PRH1: variants seen among roughly 807,000 people sequenced by gnomAD.
The protein encoded by PRH1 is salivary acidic proline-rich phosphoprotein 1/2.
In PRH1, 7 loss-of-function variants were observed where a neutral mutation model predicts 7.9. The ratio of observed to expected loss-of-function variants is 0.89; its 90% CI spans 0.50 to 1.67. PRH1 has a LOEUF of 1.67. PRH1 is among the 40% of genes most tolerant of loss of function. The pLI, the probability that PRH1 is intolerant of heterozygous loss-of-function variation, is 0.00. For missense variants in PRH1, 109 were observed against 223.6 expected (o/e 0.49, Z 3.27); for synonymous variants, 45 against 80.8 (o/e 0.56, Z 2.38).
chr12:11,133,203 G>GTT (rs1565687802), intron 1 of PRH1: 33 of 1,412,950 alleles, frequency 2.3e-5, no homozygotes, highest in Middle Eastern at 2.1e-4. Context: ...AGGTATACAT[G>GTT]TGGAAATTAT....
At chr12:11,004,654 C>T (rs1055633029) in intron 1 of PRH1, among the ~76,000 whole-genome samples, 6 of 151,996 alleles carry the variant, frequency 3.9e-5, no homozygotes, top group African/African-American at 1.4e-4. Context: ...ATATTTCATA[C>T]ATTTATTTGT....
intron 1 of PRH1, among the ~76,000 whole-genome samples, chr12:11,043,721 A>C (rs923571937): frequency 6.6e-6 from 1 of 152,152 alleles, no homozygotes; most frequent in African/African-American, 2.4e-5. Flanking sequence ...ATAGCTGAAG[A>C]TTAACTCAAC....
chr12:10,939,128 A>T, intron 2 of PRH1: 1 of 1,603,084 alleles, frequency 6.2e-7, no homozygotes, highest in Non-Finnish European at 8.5e-7. Context: ...CACCAGTGCT[A>T]TGAAACTATT....
At chr12:11,099,340 T>C (rs1047309715) in intron 1 of PRH1, among the ~76,000 whole-genome samples, 1 of 151,660 alleles carries the variant, frequency 6.6e-6, no homozygotes, top group Non-Finnish European at 1.5e-5. Flanking sequence ...TGCCCCCACC[T>C]GATCCAGACT....
At chr12:11,123,376 A>C (rs1592056783) in intron 1 of PRH1, among the ~76,000 whole-genome samples, 3 of 152,064 alleles carry the variant, frequency 2.0e-5, no homozygotes, top group African/African-American at 7.2e-5. Flanking sequence ...ATGATATTCA[A>C]ATTCTACTCA....
At chr12:10,996,956 G>C (rs1402317265) in intron 1 of PRH1, 1 of 1,608,288 alleles carries the variant, frequency 6.2e-7, no homozygotes, top group Admixed American at 1.7e-5. Flanking sequence ...CTATGGAGTT[G>C]ACTGGTTCTG....
At chr12:11,025,858 T>A (rs1369777477) in intron 1 of PRH1, among the ~76,000 whole-genome samples, 1 of 152,302 alleles carries the variant, frequency 6.6e-6, no homozygotes, top group African/African-American at 2.4e-5. Flanking sequence ...ATTGTTTTAG[T>A]GTTCAGAATA....
intron 1 of PRH1, among the ~76,000 whole-genome samples, chr12:11,153,938 CAAG>C (rs1565710413): frequency 6.6e-6 from 1 of 151,936 alleles, no homozygotes; most frequent in African/African-American, 2.4e-5. Flanking sequence ...AAATGGCAAA[CAAG>C]AGAGCGAAAC....
intron 1 of PRH1, among the ~76,000 whole-genome samples, chr12:11,041,643 AC>A (rs1477716164): frequency 6.6e-6 from 1 of 152,226 alleles, no homozygotes; most frequent in Non-Finnish European, 1.5e-5. Flanking sequence ...TTAGATACTT[AC>A]GTAACATTTC....
intron 1 of PRH1, chr12:11,022,332 T>A: frequency 6.2e-7 from 1 of 1,614,170 alleles, no homozygotes; most frequent in Non-Finnish European, 8.5e-7. Flanking sequence ...CAACAATTCT[T>A]ACTTCTAAAC....
At chr12:11,009,734 C>CT (rs1940985159) in intron 1 of PRH1, among the ~76,000 whole-genome samples, 2 of 151,946 alleles carry the variant, frequency 1.3e-5, no homozygotes, top group African/African-American at 4.8e-5. Flanking sequence ...AACAGCTTGT[C>CT]TGTTGCTGGG....
At chr12:10,885,677 T>C (rs1247745379), upstream of PRH1, among the ~76,000 whole-genome samples, 1 of 152,208 alleles carries the variant, frequency 6.6e-6, no homozygotes, top group Non-Finnish European at 1.5e-5. Flanking sequence ...GCTCATCAAT[T>C]CATAAAATAT....
At chr12:11,165,922 A>C (rs911706490) in intron 1 of PRH1, among the ~76,000 whole-genome samples, 10 of 152,206 alleles carry the variant, frequency 6.6e-5, no homozygotes, top group African/African-American at 2.4e-4. Flanking sequence ...GTATAGTGGC[A>C]TTGCTTGTTA....
intron 1 of PRH1, among the ~76,000 whole-genome samples, chr12:11,070,601 G>A (rs1258564001): frequency 4.6e-5 from 7 of 152,118 alleles, no homozygotes; most frequent in African/African-American, 1.7e-4. Context: ...TTCCTGCTCA[G>A]AAACTTCCTT....
In PRH1 at chr12:10,909,028, C is replaced by G. The variant is rs375353640; in HGVS notation, c.-58-24753G>C. 5.6e-6 allele frequency: 9 copies of G among 1,613,606 alleles called. No individual in the cohort carries two copies. In the African/African-American group the frequency reaches 1.2e-4, roughly 22 times the overall value. ...AGCCAGAGATTGAAGTGATTAGAAA[C>G]TATCCAGCTAAAAATCATAATTCTT... On this transcript the variant is annotated intron_variant, in intron 2 of 3. Transcript: ENST00000539853.
chr12:11,160,965 T>C (rs1947395519), intron 1 of PRH1, among the ~76,000 whole-genome samples: 1 of 152,336 alleles, frequency 6.6e-6, no homozygotes, highest in East Asian at 1.9e-4. Context: ...CTAAATTTCA[T>C]GTTCTACTCT....
intron 2 of PRH1, among the ~76,000 whole-genome samples, chr12:10,968,037 A>C (rs7308576): frequency 0.24 from 36,979 of 152,050 alleles, 4,531 homozygotes; most frequent in Non-Finnish European, 0.25. Context: ...GCTGAGATGG[A>C]GCCACTGCAC....
rs73042394 is a variant in PRH1 at position 10,929,101 on chromosome 12, G to T, written c.-59+44554C>A. The T allele has an allele frequency of 9.7e-3, 6,884 of 712,948 alleles. 56 individuals are homozygous for T. The highest frequency in any genetic ancestry group is 0.012 in the Non-Finnish European group (4,954 of 420,448). The allele number at this position is 712,948 out of a possible 1,614,324, so 44.2% of individuals were successfully genotyped here. On this transcript the variant is annotated intron_variant, in intron 2 of 3. Coordinates refer to the PRH1 transcript ENST00000539853. ...TTCCTGCTAGGCTAGAGTCCCAGAA[G>T]AAATGAGGGATACACTTGACCTGAA...
intron 1 of PRH1, among the ~76,000 whole-genome samples, chr12:10,976,239 T>C (rs1184700304): frequency 6.6e-6 from 1 of 152,094 alleles, no homozygotes; most frequent in Non-Finnish European, 1.5e-5. Context: ...ACCACAGCCC[T>C]ATAAAAATGT....
Sources: allele counts gnomAD v4.1 joint callset (sites outside exome capture counted in the v4.1 genomes callset), GRCh38; gene constraint gnomAD v4.1.1; transcripts MANE v1.5; gene names NCBI Gene and HGNC (gene_info 2026-07-23, HGNC 2026-07-21).